Variants in WDR24 observed in about 807,000 individuals in gnomAD.
The protein encoded by WDR24 is GATOR2 complex protein WDR24.
A neutral mutation model predicts 66.7 loss-of-function variants in WDR24; 32 were observed. The ratio of observed to expected loss-of-function variants is 0.48; its 90% confidence interval spans 0.36 to 0.64. The LOEUF is 0.64. Among genes scored for constraint, WDR24 ranks in the 30% least tolerant of loss-of-function variants. The pLI is 0.00. For missense variants in WDR24, 978 were observed against 1,144.1 expected, an observed-to-expected ratio of 0.85 and a Z score of 2.09; for synonymous variants, 565 against 469.1, an observed-to-expected ratio of 1.20 and a Z score of -2.64.
In WDR24 at chr16:690,284, G is replaced by T. The variant is rs2039951475; in HGVS notation, c.-644C>A. On this transcript the variant is annotated 5_prime_UTR_variant, in exon 1 of 9. Transcript: ENST00000293883. The stretch of plus-strand genomic sequence containing the variant: ...CCTGGGAGCGGCGCAGTGGCGCGGG[G>T]GAGCGGACGCTGCGGGACGAGAACC... The T allele has an allele frequency of 4.5e-6, 2 of 440,774 alleles. No homozygotes were observed. Among genetic ancestry groups the T allele is most frequent in the Non-Finnish European group, 9.2e-6 (2 of 218,420 alleles). The allele number at this position is 440,774 out of a possible 1,614,324, so 27.3% of individuals were successfully genotyped here. A position where few individuals can be genotyped will look rare whatever the true frequency, so the allele number is the denominator to read the frequency against.
At chr16:686,361 C>A (rs1358785435) in intron 3 of WDR24, among the ~76,000 whole-genome samples, 175 bp from the exon 4 acceptor site, 1 of 152,218 alleles carries the variant, frequency 6.6e-6, no homozygotes, top group Non-Finnish European at 1.5e-5. Context: ...AACCCCGGTC[C>A]CCGCCCTACA....
Position 685,294 on chromosome 16 carries a change from C to G in WDR24, c.1982G>C (p.Gly661Ala). 1 of 1,599,180 alleles carries G rather than the reference C, an allele frequency of 6.3e-7. No homozygotes were observed. Among genetic ancestry groups the G allele is most frequent in the Non-Finnish European group, 8.5e-7 (1 of 1,173,538 alleles). ...GTCGATGTCCTTGCGCACCCGTTCA[C>G]CCAGGACGATGAGCACAGACACAGC... Reference protein sequence around the residue: ...QMAVSVLIVLGERVRKDIDEQ... With the variant: ...QMAVSVLIVLAERVRKDIDEQ... The change falls in exon 7 of 9, where the codon GGT (glycine) becomes GCT (alanine). Residue 661 changes from glycine to alanine, a missense_variant. Gly to Ala is a moderately conservative substitution (Grantham distance 60, BLOSUM62 0). Coordinates refer to ENST00000293883, the MANE Select transcript of WDR24 (RefSeq NM_032259.4).
At position 685,151 on chromosome 16, in the gene WDR24, T is replaced by C; in HGVS notation, c.2045A>G (p.Asp682Gly). The C allele has an allele frequency of 6.4e-7, 1 of 1,572,668 alleles. No individual in the cohort carries two copies. Among genetic ancestry groups the C allele is most frequent in the Non-Finnish European group, 8.6e-7 (1 of 1,160,272 alleles). Residue 682 changes from aspartate to glycine, a missense_variant, in exon 8 of 9, where the codon GAC (aspartate) becomes GGC (glycine). Asp to Gly is a moderately conservative substitution (Grantham distance 94). This residue lies in a region of WDR24 where 676 missense variants were observed against 617.5 expected (regional missense o/e 1.09). Transcript: ENST00000293883. ...TQEHWYTSYI[D>G]LLQRFRLWNV... Reference sequence around the variant, plus strand: ...CCAGAGGCGGAAGCGCTGCAGCAGGTCGATGTAGGAAGTGTACCAGTGCTC... The same window carrying C: ...CCAGAGGCGGAAGCGCTGCAGCAGGCCGATGTAGGAAGTGTACCAGTGCTC...
At position 689,488 on chromosome 16, in the gene WDR24, G is replaced by T. The variant is rs2039943726; in HGVS notation, c.153C>A (p.Ile51=). The T allele has an allele frequency of 6.2e-7, 1 of 1,613,342 alleles. No homozygotes were observed. ...CGAACTGTTCCTCCTCGATGGCATA[G>T]ATCTTGAAGATGCTACGGCCTGCCA... The part of the protein sequence containing the change: ...VVVAGRSIFK[I]YAIEEEQFVE... Residue 51 remains isoleucine (I), a synonymous_variant, in exon 1 of 9, where the codon ATC becomes ATA. Coordinates refer to ENST00000293883, the MANE Select transcript of WDR24 (RefSeq NM_032259.4).
intron 3 of WDR24, among the ~76,000 whole-genome samples, chr16:686,472 G>A (rs1352669041): frequency 2.0e-5 from 3 of 152,214 alleles, no homozygotes; most frequent in African/African-American, 7.2e-5. Flanking sequence ...CTGGTGCCTG[G>A]AGAGCTCCAG....
At position 685,906 on chromosome 16, in the gene WDR24, A is replaced by G. The variant is rs748056564; in HGVS notation, c.1536T>C (p.Val512=). ...RSKGDARSDT[V]LLDSSATLIT... Reference sequence around the variant, plus strand: ...TGAGTGTGGCCGAGGAGTCGAGCAGAACTGTGTCGCTCCGTGCATCTCCTT... The same window carrying G: ...TGAGTGTGGCCGAGGAGTCGAGCAGGACTGTGTCGCTCCGTGCATCTCCTT... The change falls in exon 5 of 9, where the codon GTT becomes GTC. Residue 512 remains valine, a synonymous_variant. Coordinates refer to ENST00000293883, the MANE Select transcript of WDR24 (RefSeq NM_032259.4). 4 of 1,613,038 alleles carry G rather than the reference A, an allele frequency of 2.5e-6. No individual in the cohort carries two copies. Among genetic ancestry groups the G allele is most frequent in the Non-Finnish European group, 8.5e-7 (1 of 1,179,948 alleles).
rs1271888100 is a variant in WDR24 at position 689,361 on chromosome 16, CT to C, written c.279del (p.Ala94ProfsTer30). On this transcript the variant is annotated frameshift_variant, in exon 1 of 9. Coordinates refer to ENST00000293883, the MANE Select transcript of WDR24 (RefSeq NM_032259.4). LOFTEE classifies it high-confidence loss of function. ...HQMDENLLAT[A>X]ATNGVVVTWN... Reference sequence around the variant, plus strand: ...CACGTGACCACCACGCCATTGGTGGCTGCTGTGGCCAGCAGGTTCTCATCCA... The same window carrying C: ...CACGTGACCACCACGCCATTGGTGGCGCTGTGGCCAGCAGGTTCTCATCCA... 4 of 1,613,462 alleles carry C rather than the reference CT, an allele frequency of 2.5e-6. No homozygotes were observed. Among genetic ancestry groups the C allele is most frequent in the Non-Finnish European group, 2.5e-6 (3 of 1,180,012 alleles).
rs1178971485 is a variant in WDR24, at chr16:685,876, G to C, written c.1566C>G (p.Thr522=). The C allele has an allele frequency of 1.9e-6, 3 of 1,612,992 alleles. No individual in the cohort carries two copies. Among genetic ancestry groups the C allele is most frequent in the African/African-American group, 2.7e-5 (2 of 74,948 alleles). The change falls in exon 5 of 9, where the codon ACC becomes ACG. Residue 522 remains threonine, a synonymous_variant. Transcript: ENST00000293883. The part of the protein sequence containing the change: ...VLLDSSATLI[T]NEDNEETEGS... ...CTACCCACCCCAGCCTACCCTCATT[G>C]GTGATGAGTGTGGCCGAGGAGTCGA...
In WDR24 at chr16:689,794, G is replaced by C; in HGVS notation, c.-154C>G. The C allele has an allele frequency of 8.2e-7, 1 of 1,223,284 alleles. No homozygotes were observed. Among genetic ancestry groups the C allele is most frequent in the Non-Finnish European group, 1.1e-6 (1 of 875,320 alleles). The allele number at this position is 1,223,284 out of a possible 1,614,324, so 75.8% of individuals were successfully genotyped here. A position where few individuals can be genotyped will look rare whatever the true frequency, so the allele number is the denominator to read the frequency against. ...GTCAGTCTTAGTGAGCCAATCCAGG[G>C]CTGTCTATCAGCCAATCAGCCTGAC... On this transcript the variant is annotated 5_prime_UTR_variant, in exon 1 of 9. Coordinates refer to ENST00000293883, the MANE Select transcript of WDR24 (RefSeq NM_032259.4).
In WDR24 at chr16:685,353, C is replaced by A. The variant is rs2039880658; in HGVS notation, c.1923G>T (p.Leu641=). Reference sequence around the variant, plus strand: ...CGTCGCCCTGCTCAGCGTAGAAGTGCAGCATGTCGCGCACCAGCACGCCGA... The same window carrying A: ...CGTCGCCCTGCTCAGCGTAGAAGTGAAGCATGTCGCGCACCAGCACGCCGA... ...DFFGVLVRDM[L]HFYAEQGDVQ... is the part of the protein sequence containing the mutation. The change falls in exon 7 of 9, where the codon CTG becomes CTT. Residue 641 remains leucine, a synonymous_variant. Transcript: ENST00000293883. 3 of 1,611,330 alleles carry A rather than the reference C, an allele frequency of 1.9e-6. No individual in the cohort carries two copies. In the South Asian group the frequency reaches 3.3e-5, roughly 18 times the overall value.
chr16:689,871 G>T lies in WDR24; in HGVS notation c.-231C>A. 1 of 745,384 alleles carries T rather than the reference G, an allele frequency of 1.3e-6. No homozygotes were observed. The highest frequency in any genetic ancestry group is 2.3e-6 in the Non-Finnish European group (1 of 426,802). The allele number at this position is 745,384 out of a possible 1,614,324, so 46.2% of individuals were successfully genotyped here. A position where few individuals can be genotyped will look rare whatever the true frequency, so the allele number is the denominator to read the frequency against. On this transcript the variant is annotated 5_prime_UTR_variant, in exon 1 of 9. It introduces an in-frame stop codon into an upstream open reading frame of the 5' UTR. Coordinates refer to ENST00000293883, the MANE Select transcript of WDR24 (RefSeq NM_032259.4). ...GTCAGTCCAGCCCATCACCCTGGCT[G>T]AGCGGTGAGGGGACTTCCTAGCTTC...
Position 690,132 on chromosome 16 carries a change from C to G in WDR24, c.-492G>C, listed in dbSNP as rs1187467876. The G allele has an allele frequency of 4.5e-6, 2 of 443,536 alleles. No individual in the cohort carries two copies. The highest frequency in any genetic ancestry group is 3.2e-5 in the South Asian group (2 of 63,202). 27.5% of individuals were successfully genotyped at this position (443,536 alleles called of 1,614,324 possible). On this transcript the variant is annotated 5_prime_UTR_variant, in exon 1 of 9. Transcript: ENST00000293883. ...GAGGGAACAGAGGGCTAGAGGGGCC[C>G]GGGGACTCAGGCGATAGACGCGGGA...
rs1204840473 is a variant in WDR24 at position 685,105 on chromosome 16, G to A, written c.2091C>T (p.Val697=). 6.4e-7 allele frequency: 1 copy of A among 1,556,754 alleles called. No homozygotes were observed. The highest frequency in any genetic ancestry group is 1.4e-5 in the African/African-American group (1 of 73,384). The change falls in exon 8 of 9, where the codon GTC becomes GTT. Residue 697 remains valine (V), a synonymous_variant. Coordinates refer to ENST00000293883, the MANE Select transcript of WDR24 (RefSeq NM_032259.4). ...FRLWNVSNEV[V]KLSTSRAVSC... ...TGACGGCGCGGCTGGTGCTCAGCTT[G>A]ACCACCTCGTTGGACACGTTCCAGA... is the stretch of plus-strand genomic sequence containing the variant.
chr16:687,938 AC>A, intron 1 of WDR24, 199 bp from the exon 2 acceptor site: 1 of 726,154 alleles, frequency 1.4e-6, no homozygotes, highest in Non-Finnish European at 2.5e-6. Flanking sequence ...GGAGCAGGAC[AC>A]CACGTGATTT....
At position 687,320 on chromosome 16, in the gene WDR24, G is replaced by C; in HGVS notation, c.756C>G (p.Ala252=). 1 of 1,611,140 alleles carries C rather than the reference G, an allele frequency of 6.2e-7. No homozygotes were observed. Among genetic ancestry groups the C allele is most frequent in the South Asian group, 1.1e-5 (1 of 91,084 alleles). Residue 252 remains alanine, a synonymous_variant, in exon 3 of 9, where the codon GCC becomes GCG. Coordinates refer to ENST00000293883, the MANE Select transcript of WDR24 (RefSeq NM_032259.4). ...AKEMHCVQTI[A]SVARVKWRPE... The stretch of plus-strand genomic sequence containing the variant: ...GCCGCCACTTCACACGGGCCACCGA[G>C]GCGATGGTCTGCACACAGTGCATCT...
Position 685,156 on chromosome 16 carries a change from G to A in WDR24, c.2040C>T (p.Tyr680=), listed in dbSNP as rs2039874832. Residue 680 remains tyrosine (Y), a synonymous_variant, in exon 8 of 9, where the codon TAC becomes TAT. Transcript: ENST00000293883. ...GGCGGAAGCGCTGCAGCAGGTCGATGTAGGAAGTGTACCAGTGCTCCTGGG... is the reference window on the plus strand; with the variant it reads ...GGCGGAAGCGCTGCAGCAGGTCGATATAGGAAGTGTACCAGTGCTCCTGGG... ...EQTQEHWYTS[Y]IDLLQRFRLW... The A allele has an allele frequency of 1.3e-6, 2 of 1,577,780 alleles. No individual in the cohort carries two copies. Among genetic ancestry groups the A allele is most frequent in the Non-Finnish European group, 8.6e-7 (1 of 1,162,984 alleles).
In WDR24 at chr16:689,440, C is replaced by T. The variant is rs2151517469; in HGVS notation, c.201G>A (p.Val67=). ...EQFVEKLNLR[V]GRKPSLNLSC... Reference sequence around the variant, plus strand: ...TCAGGTTAAGCGAAGGCTTGCGCCCCACACGCAGGTTCAGCTTTTCCACGA... The same window carrying T: ...TCAGGTTAAGCGAAGGCTTGCGCCCTACACGCAGGTTCAGCTTTTCCACGA... The change falls in exon 1 of 9, where the codon GTG becomes GTA. Residue 67 remains valine (V), a synonymous_variant. Transcript: ENST00000293883. 3 of 1,613,594 alleles carry T rather than the reference C, an allele frequency of 1.9e-6. No homozygotes were observed. Among genetic ancestry groups the T allele is most frequent in the Non-Finnish European group, 8.5e-7 (1 of 1,179,990 alleles).
Position 689,683 on chromosome 16 carries a change from G to T in WDR24, c.-43C>A. ...GGTCAGGGGTCAGGAGGTCAGTGAG[G>T]TGGGCTGGCCTGGTCAGCCTGGGTG... On this transcript the variant is annotated 5_prime_UTR_variant, in exon 1 of 9. Transcript: ENST00000293883. 6.3e-7 allele frequency: 1 copy of T among 1,598,786 alleles called. No individual in the cohort carries two copies. Among genetic ancestry groups the T allele is most frequent in the Non-Finnish European group, 8.5e-7 (1 of 1,171,722 alleles).
Position 685,074 on chromosome 16 carries a change from G to A in WDR24, c.2122C>T (p.Leu708Phe), listed in dbSNP as rs2039871966. The A allele has an allele frequency of 3.9e-6, 6 of 1,557,236 alleles. No individual in the cohort carries two copies. Among genetic ancestry groups the A allele is most frequent in the Non-Finnish European group, 5.2e-6 (6 of 1,151,474 alleles). Residue 708 changes from leucine to phenylalanine, a missense_variant, in exon 8 of 9, where the codon CTC (leucine) becomes TTC (phenylalanine). Physicochemically the swap from Leu to Phe is conservative, Grantham distance 22. Transcript: ENST00000293883. ...KLSTSRAVSCLNQASTTLHVN... is the reference protein window; with the variant it reads ...KLSTSRAVSCFNQASTTLHVN... ...TGCAGGGTGGTGGAGGCCTGGTTGA[G>A]GCAGCTGACGGCGCGGCTGGTGCTC... is the stretch of plus-strand genomic sequence containing the variant.
Sources: allele counts gnomAD v4.1 joint callset (sites outside exome capture counted in the v4.1 genomes callset), GRCh38; gene constraint gnomAD v4.1.1; regional missense constraint gnomAD v4.1.1; transcripts MANE v1.5; gene names NCBI Gene and HGNC (gene_info 2026-07-23, HGNC 2026-07-21).